Variants in UVRAG observed in about 807,000 individuals in gnomAD.
UVRAG encodes UV radiation resistance-associated gene protein.
UVRAG carries 19 observed loss-of-function variants against 78.0 expected under a neutral mutation model. That is an observed-to-expected ratio of 0.24 (90% CI 0.17 to 0.36). UVRAG has a LOEUF of 0.36. UVRAG is among the 10% of genes least tolerant of loss of function. The pLI is 1.00. For missense variants in UVRAG, 740 were observed against 853.8 expected, an observed-to-expected ratio of 0.87 and a Z score of 1.66; for synonymous variants, 323 against 324.6, an observed-to-expected ratio of 1.00 and a Z score of 0.05.
chr11:76,103,062 G>C (rs1377733102), intron 13 of UVRAG, among the ~76,000 whole-genome samples: 9 of 152,158 alleles, frequency 5.9e-5, no homozygotes, highest in African/African-American at 2.2e-4. Context: ...GCTACTAGAA[G>C]CTATCCACAT....
intron 5 of UVRAG, among the ~76,000 whole-genome samples, chr11:75,900,943 T>C (rs922173388): frequency 6.6e-6 from 1 of 152,208 alleles, no homozygotes; most frequent in Non-Finnish European, 1.5e-5. Flanking sequence ...TCTGAGGGGA[T>C]GTACTCATTC....
At chr11:76,001,629 T>C (rs1202653737) in intron 8 of UVRAG, among the ~76,000 whole-genome samples, 4 of 152,148 alleles carry the variant, frequency 2.6e-5, no homozygotes, top group Non-Finnish European at 5.9e-5. Context: ...CTACAGATCC[T>C]ACAGAAATTA....
rs1236960879 is a variant in UVRAG, at chr11:76,142,371, T to G, written c.*958T>G. 6.6e-6 allele frequency: 1 copy of G among 152,340 alleles called. No individual in the cohort carries two copies. The highest frequency in any genetic ancestry group is 1.5e-5 in the Non-Finnish European group (1 of 68,040). 9.4% of individuals were successfully genotyped at this position (152,340 alleles called of 1,614,324 possible). A position where few individuals can be genotyped will look rare whatever the true frequency, so the allele number is the denominator to read the frequency against. On this transcript the variant is annotated 3_prime_UTR_variant, in exon 15 of 15. Coordinates refer to ENST00000356136, the MANE Select transcript of UVRAG (RefSeq NM_003369.4). ...GTCAGCATTTACATGACAGAATGTATGTAGAGAGTTGGGGTGTCTGGTAGG... is the reference window on the plus strand; with the variant it reads ...GTCAGCATTTACATGACAGAATGTAGGTAGAGAGTTGGGGTGTCTGGTAGG...
chr11:76,009,135 G>A (rs1950004077), intron 11 of UVRAG, among the ~76,000 whole-genome samples: 1 of 152,120 alleles, frequency 6.6e-6, no homozygotes, highest in African/African-American at 2.4e-5. Context: ...AGGTTCTTAA[G>A]AATACAAATA....
intron 12 of UVRAG, among the ~76,000 whole-genome samples, chr11:76,040,888 G>A (rs1459367313): frequency 6.6e-6 from 1 of 152,044 alleles, no homozygotes; most frequent in Non-Finnish European, 1.5e-5. Context: ...AGTGTTAAGT[G>A]GAAATAGAAA....
chr11:76,020,649 CTTTTTTTTTT>C (rs35112254), intron 12 of UVRAG, among the ~76,000 whole-genome samples: 79 of 52,288 alleles, frequency 1.5e-3, no homozygotes, highest in African/African-American at 5.4e-3. Context: ...AAGAAGGAGT[CTTTTTTTTTT>C]TTTTTTTTTT....
chr11:75,888,531 C>T (rs564060511), intron 4 of UVRAG, among the ~76,000 whole-genome samples: 30 of 152,212 alleles, frequency 2.0e-4, no homozygotes, highest in African/African-American at 7.2e-4. Flanking sequence ...CCTCTGAATA[C>T]CCTATTGTTC....
intron 1 of UVRAG, among the ~76,000 whole-genome samples, chr11:75,832,384 G>A (rs1945678059): frequency 6.6e-6 from 1 of 152,188 alleles, no homozygotes; most frequent in Admixed American, 6.5e-5. Flanking sequence ...TTCTCCTTGT[G>A]TTCAGTAATT....
chr11:76,007,398 T>C (rs1428982458), intron 9 of UVRAG, 136 bp from the exon 10 acceptor site: 1 of 654,958 alleles, frequency 1.5e-6, no homozygotes, highest in East Asian at 2.8e-5. Flanking sequence ...AACTATTATT[T>C]ATGCTTCTAC....
intron 5 of UVRAG, among the ~76,000 whole-genome samples, chr11:75,902,973 G>A (rs1242363566): frequency 6.6e-6 from 1 of 152,214 alleles, no homozygotes; most frequent in Non-Finnish European, 1.5e-5. Flanking sequence ...TCTGCTAGAT[G>A]TGTCCAACTC....
rs57981829 is a variant in UVRAG, at chr11:76,140,146, T to TCC, written c.1398-564_1398-563insCC. ...CTCTCTCTCTCTCTCTCTCTCTCTC[T>TCC]CTCCCTCCCTCCTCTGCCAGTCCTC... On this transcript the variant is annotated intron_variant, in intron 14 of 14. Coordinates refer to ENST00000356136, the MANE Select transcript of UVRAG (RefSeq NM_003369.4). Among the ~76,000 whole-genome samples, 175 of 85,926 alleles carry TCC rather than the reference T, an allele frequency of 2.0e-3. 12 individuals are homozygous for TCC. Among genetic ancestry groups the TCC allele is most frequent in the African/African-American group, 8.1e-3 (151 of 18,596 alleles). The allele number at this position is 85,926 out of a possible 152,430, so 56.4% of individuals were successfully genotyped here.
At chr11:76,129,610 CTT>C (rs1952476511) in intron 14 of UVRAG, among the ~76,000 whole-genome samples, 1 of 152,238 alleles carries the variant, frequency 6.6e-6, no homozygotes, top group African/African-American at 2.4e-5. Context: ...ACTTTTCACT[CTT>C]TTACACTAGC....
intron 8 of UVRAG, among the ~76,000 whole-genome samples, chr11:75,987,617 G>A (rs1319626813): frequency 1.3e-5 from 2 of 151,988 alleles, no homozygotes; most frequent in South Asian, 2.1e-4. Flanking sequence ...CTCAGTGAAA[G>A]CCTTTAATAT....
intron 12 of UVRAG, among the ~76,000 whole-genome samples, chr11:76,040,935 G>A (rs1056066034): frequency 6.6e-6 from 1 of 152,124 alleles, no homozygotes; most frequent in Non-Finnish European, 1.5e-5. Context: ...GGGTTTGGTT[G>A]AAGTTACTTG....
At chr11:75,920,692 G>A (rs932763161) in intron 6 of UVRAG, among the ~76,000 whole-genome samples, 1 of 151,844 alleles carries the variant, frequency 6.6e-6, no homozygotes, top group Non-Finnish European at 1.5e-5. Flanking sequence ...GTATCCATCT[G>A]TATTTTTTCC....
chr11:75,859,195 C>T (rs763812931), intron 2 of UVRAG, among the ~76,000 whole-genome samples: 4 of 151,972 alleles, frequency 2.6e-5, no homozygotes, highest in Admixed American at 6.6e-5. Context: ...GCCAACATGG[C>T]GAAACCTCTT....
chr11:75,837,326 C>CAA (rs753820781), intron 1 of UVRAG, among the ~76,000 whole-genome samples: 62 of 63,938 alleles, frequency 9.7e-4, no homozygotes, highest in Admixed American at 1.7e-3. Context: ...GACTCTGTCT[C>CAA]AAAAAAAAAA....
chr11:76,006,660 CAAAAAAAAAAA>C (rs762221601), intron 9 of UVRAG, among the ~76,000 whole-genome samples: 51 of 62,348 alleles, frequency 8.2e-4, no homozygotes, highest in East Asian at 3.4e-3. Context: ...GACCCCGTCT[CAAAAAAAAAAA>C]AAAAAAAAAA....
intron 7 of UVRAG, among the ~76,000 whole-genome samples, chr11:75,982,578 C>T (rs967902566): frequency 6.6e-6 from 1 of 152,128 alleles, no homozygotes; most frequent in Admixed American, 6.5e-5. Flanking sequence ...CAGTAGTTAC[C>T]ACATGGGACT....
Sources: gnomAD v4.1 joint callset for allele counts (sites outside exome capture counted in the v4.1 genomes callset) on GRCh38, gnomAD v4.1.1 for gene constraint, MANE v1.5 for transcripts, NCBI Gene and HGNC (gene_info 2026-07-23, HGNC 2026-07-21) for gene names.